The following RIMS2 variants were observed in gnomAD, a reference collection of about 807,000 sequenced individuals.
The protein encoded by RIMS2 is regulating synaptic membrane exocytosis protein 2.
Under a neutral mutation model 174.4 loss-of-function variants are expected in RIMS2, and 59 were observed. The ratio of observed to expected loss-of-function variants is 0.34; its 90% CI spans 0.27 to 0.42. The LOEUF is 0.42. RIMS2 is among the 10% of genes least tolerant of loss of function. The probability of loss-of-function intolerance (pLI) is 1.00; values close to 1 mark genes in which losing one functional copy is unlikely to be tolerated. For synonymous variants in RIMS2, 606 were observed against 572.5 expected (o/e 1.06, Z -0.84); for missense variants, 1,620 against 1,666.3 (o/e 0.97, Z 0.48).
chr8:103,805,882 A>G (rs982224050), intron 3 of RIMS2, among the ~76,000 whole-genome samples: 1 of 152,156 alleles, frequency 6.6e-6, no homozygotes, highest in African/African-American at 2.4e-5. Context: ...AAGCAGGATT[A>G]ATAAATTTTA....
intron 3 of RIMS2, among the ~76,000 whole-genome samples, chr8:103,837,885 G>T (rs1422607582): frequency 6.6e-6 from 1 of 151,536 alleles, no homozygotes; most frequent in Non-Finnish European, 1.5e-5. Context: ...CCAGTAATGG[G>T]ATTCTTAATG....
At chr8:104,034,687 C>T (rs1483638035) in intron 19 of RIMS2, among the ~76,000 whole-genome samples, 1 of 151,854 alleles carries the variant, frequency 6.6e-6, no homozygotes, top group African/African-American at 2.4e-5. Context: ...CCAGGATGGT[C>T]TCAAACTCCT....
intron 19 of RIMS2, among the ~76,000 whole-genome samples, chr8:104,158,311 G>T (rs1032120383): frequency 6.6e-6 from 1 of 152,058 alleles, no homozygotes; most frequent in Non-Finnish European, 1.5e-5. Flanking sequence ...TGGACCTTTG[G>T]GTTGGTTCCA....
At position 104,090,165 on chromosome 8, in the gene RIMS2, G is replaced by A. The variant is rs190432966; in HGVS notation, c.3334+75550G>A. On this transcript the variant is annotated intron_variant, in intron 19 of 23. Transcript: ENST00000504942. ...GTCATAGGGCTGTGTGTGAATAAAA[G>A]GCATAAAACCTTTACACTATTATAA... Among the ~76,000 whole-genome samples, 897 of 151,502 alleles carry A rather than the reference G, an allele frequency of 5.9e-3. 5 individuals are homozygous for A. Among genetic ancestry groups the A allele is most frequent in the African/African-American group, 0.02 (845 of 41,376 alleles).
intron 1 of RIMS2, among the ~76,000 whole-genome samples, chr8:103,642,396 T>C (rs2096248594): frequency 1.3e-5 from 2 of 152,076 alleles, no homozygotes; most frequent in South Asian, 2.1e-4. Flanking sequence ...CACTTATCCA[T>C]AAAATATCAC....
chr8:104,143,533 A>G (rs2098603070), intron 19 of RIMS2, among the ~76,000 whole-genome samples: 1 of 152,208 alleles, frequency 6.6e-6, no homozygotes, highest in Admixed American at 6.5e-5. Flanking sequence ...CTGGCTCAGG[A>G]AGCACAACAG....
chr8:103,543,975 A>G (rs1843716553), intron 1 of RIMS2, among the ~76,000 whole-genome samples: 3 of 152,250 alleles, frequency 2.0e-5, no homozygotes, highest in Admixed American at 2.0e-4. Context: ...AGACAAATGG[A>G]ATTACATGAA....
intron 2 of RIMS2, among the ~76,000 whole-genome samples, chr8:103,714,345 T>C (rs1383168117): frequency 1.3e-5 from 2 of 152,192 alleles, no homozygotes. Flanking sequence ...ATTAAAAATA[T>C]AAACTATACA....
At chr8:103,574,348 T>C (rs2093053645) in intron 1 of RIMS2, among the ~76,000 whole-genome samples, 1 of 152,208 alleles carries the variant, frequency 6.6e-6, no homozygotes, top group Non-Finnish European at 1.5e-5. Flanking sequence ...CAGACAATAC[T>C]CTCCAACACC....
At chr8:103,826,804 C>A (rs1005040001) in intron 3 of RIMS2, among the ~76,000 whole-genome samples, 2 of 151,452 alleles carry the variant, frequency 1.3e-5, no homozygotes, top group African/African-American at 4.8e-5. Context: ...TCCTCAGCCT[C>A]CCAGTAGCTA....
At position 103,642,006 on chromosome 8, in the gene RIMS2, T is replaced by C. The variant is rs547589333; in HGVS notation, c.177-55080T>C. Among the ~76,000 whole-genome samples, 8 of 100,476 alleles carry C rather than the reference T, an allele frequency of 8.0e-5. No homozygotes were observed. The East Asian group carries it at 1.9e-3, about 24-fold the overall frequency. The allele number at this position is 100,476 out of a possible 152,430, so 65.9% of individuals were successfully genotyped here. ...TTTTTGTTTTCATCCATTCTGATAT[T>C]CTCTGCTTTTTAATTGGCATATTTA... On this transcript the variant is annotated intron_variant, in intron 1 of 23. Transcript: ENST00000504942.
At chr8:104,163,717 A>G (rs763733476) in intron 19 of RIMS2, among the ~76,000 whole-genome samples, 1 of 152,204 alleles carries the variant, frequency 6.6e-6, no homozygotes, top group Non-Finnish European at 1.5e-5. Flanking sequence ...ATAAGAATGT[A>G]ATTTCTGTAG....
At chr8:103,594,273 G>A (rs781217165) in intron 1 of RIMS2, among the ~76,000 whole-genome samples, 26 of 151,240 alleles carry the variant, frequency 1.7e-4, no homozygotes, top group African/African-American at 2.7e-4. Flanking sequence ...TATGCTCTTT[G>A]TTGGTAATTT....
chr8:103,572,407 T>A (rs1180053036), intron 1 of RIMS2, among the ~76,000 whole-genome samples: 1 of 138,756 alleles, frequency 7.2e-6, no homozygotes, highest in Non-Finnish European at 1.5e-5. Flanking sequence ...GAGCACTGAT[T>A]GGTCCATTTT....
intron 1 of RIMS2, among the ~76,000 whole-genome samples, chr8:103,592,309 C>G (rs2094301176): frequency 6.6e-6 from 1 of 151,190 alleles, no homozygotes; most frequent in East Asian, 1.9e-4. Context: ...AATGATTCTA[C>G]AAATAAAACA....
chr8:103,770,201 G>T (rs1338946389), intron 3 of RIMS2, among the ~76,000 whole-genome samples: 1 of 152,082 alleles, frequency 6.6e-6, no homozygotes, highest in Non-Finnish European at 1.5e-5. Flanking sequence ...AGCCACTCCT[G>T]TTCATTTATT....
At chr8:103,652,088 C>G (rs752238017) in intron 1 of RIMS2, 117 bp from the exon 2 acceptor site, 53 of 358,616 alleles carry the variant, frequency 1.5e-4, no homozygotes, top group Non-Finnish European at 2.4e-4. Flanking sequence ...TGGCAAAGCA[C>G]TAAGTCTTTC....
At chr8:103,971,359 T>C (rs970273928) in intron 15 of RIMS2, among the ~76,000 whole-genome samples, 3 of 152,172 alleles carry the variant, frequency 2.0e-5, no homozygotes, top group Non-Finnish European at 2.9e-5. Context: ...ATCAGACTTC[T>C]TTTCTATCTA....
intron 19 of RIMS2, among the ~76,000 whole-genome samples, chr8:104,191,028 A>T (rs553116734): frequency 6.6e-6 from 1 of 152,022 alleles, no homozygotes; most frequent in South Asian, 2.1e-4. Context: ...ATATGTGGTC[A>T]TTTCATAAGA....
Sources: allele counts gnomAD v4.1 joint callset (sites outside exome capture counted in the v4.1 genomes callset), GRCh38; gene constraint gnomAD v4.1.1; transcripts MANE v1.5; gene names NCBI Gene and HGNC (gene_info 2026-07-23, HGNC 2026-07-21).